The following FAT3 variants were observed in gnomAD, a reference collection of about 807,000 sequenced individuals.
FAT3 encodes FAT atypical cadherin 3, also known as protocadherin Fat 3.
FAT3 carries 95 observed loss-of-function variants against 310.2 expected under a neutral mutation model. That is an observed-to-expected ratio of 0.31 (90% CI 0.26 to 0.36). The LOEUF (loss-of-function observed/expected upper bound fraction) is 0.36, where lower values mean the gene tolerates loss of function less well. Among genes scored for constraint, FAT3 ranks in the 10% least tolerant of loss-of-function variants. FAT3 has a pLI of 1.00. For synonymous variants in FAT3, 2,314 were observed against 2,192.9 expected, an observed-to-expected ratio of 1.06 and a Z score of -1.54; for missense variants, 5,408 against 5,715.6, an observed-to-expected ratio of 0.95 and a Z score of 1.74.
chr11:92,857,282 A>C lies in FAT3; in HGVS notation c.11434A>C (p.Ser3812Arg), dbSNP rs4753069. The C allele has an allele frequency of 6.2e-7, 1 of 1,613,836 alleles. No homozygotes were observed. The highest frequency in any genetic ancestry group is 1.3e-5 in the African/African-American group (1 of 75,000). The change falls in exon 20 of 28, where the codon AGT (serine) becomes CGT (arginine). Residue 3812 changes from serine to arginine, a missense_variant. By Grantham distance (110) the Ser-to-Arg change is moderately radical. This residue lies in a region of FAT3 where 4,588 missense variants were observed against 4,809.8 expected (regional missense o/e 0.95). Transcript: ENST00000525166. ...KPCPGDMQCV[S>R]YEASRRPFLC... ...GTGTCCAGGGGACATGCAGTGTGTCAGTTATGAAGCCAGCAGGAGACCGTT... is the reference window on the plus strand; with the variant it reads ...GTGTCCAGGGGACATGCAGTGTGTCCGTTATGAAGCCAGCAGGAGACCGTT...
At chr11:92,634,499 G>A (rs1412088312) in intron 3 of FAT3, among the ~76,000 whole-genome samples, 2 of 152,170 alleles carry the variant, frequency 1.3e-5, no homozygotes, top group African/African-American at 4.8e-5. Context: ...GACAATTCTT[G>A]TTCTTGACTG....
At chr11:92,817,802 C>T (rs1292023999) in intron 13 of FAT3, among the ~76,000 whole-genome samples, 1 of 152,198 alleles carries the variant, frequency 6.6e-6, no homozygotes, top group African/African-American at 2.4e-5. Flanking sequence ...ATTTTTCTGA[C>T]CAAACCACCT....
intron 15 of FAT3, among the ~76,000 whole-genome samples, chr11:92,835,742 A>C (rs12789841): frequency 6.6e-6 from 1 of 152,036 alleles, no homozygotes; most frequent in African/African-American, 2.4e-5. Context: ...CTACACACAC[A>C]GACACACAGA....
chr11:92,240,115 A>T (rs1698708631), intron 1 of FAT3, among the ~76,000 whole-genome samples: 1 of 152,140 alleles, frequency 6.6e-6, no homozygotes, highest in Non-Finnish European at 1.5e-5. Context: ...AAATGAGCAG[A>T]TATCTTTATG....
chr11:92,890,940 A>G lies in FAT3; in HGVS notation c.13597A>G (p.Ser4533Gly), dbSNP rs1270664161. 1 of 1,614,000 alleles carries G rather than the reference A, an allele frequency of 6.2e-7. No individual in the cohort carries two copies. Among genetic ancestry groups the G allele is most frequent in the South Asian group, 1.1e-5 (1 of 91,074 alleles). Residue 4533 changes from serine to glycine, a missense_variant, in exon 28 of 28, where the codon AGC becomes GGC. Ser to Gly is a moderately conservative substitution (Grantham distance 56, BLOSUM62 0). Coordinates refer to ENST00000525166, the MANE Select transcript of FAT3 (RefSeq NM_001367949.2). ...QGTEPTGPAD[S>G]VSLSLHNSRG... The stretch of plus-strand genomic sequence containing the variant: ...CACAGAGCCCACAGGCCCAGCAGAC[A>G]GCGTGTCTCTGTCCTTGCACAATTC...
At chr11:92,771,774 A>C (rs967629796) in intron 6 of FAT3, among the ~76,000 whole-genome samples, 17 of 152,196 alleles carry the variant, frequency 1.1e-4, no homozygotes, top group African/African-American at 3.1e-4. Context: ...AAAAAAAAAA[A>C]AACATAAAAT....
chr11:92,524,810 G>A lies in FAT3; in HGVS notation c.3469G>A (p.Val1157Ile). The change falls in exon 3 of 28, where the codon GTC becomes ATC. Residue 1157 changes from valine to isoleucine, a missense_variant. By Grantham distance (29) the Val-to-Ile change is conservative. Around this residue, in one of 5 missense-constraint regions of FAT3, gnomAD observed 4,588 missense variants for 4,809.8 expected, o/e 0.95. Coordinates refer to ENST00000525166, the MANE Select transcript of FAT3 (RefSeq NM_001367949.2). Reference sequence around the variant, plus strand: ...CTCAGAACCTATATATTATCCTGTTGTCATGGAAAACTCTCCAAAGGACGT... The same window carrying A: ...CTCAGAACCTATATATTATCCTGTTATCATGGAAAACTCTCCAAAGGACGT... ...LTSEPIYYPV[V>I]MENSPKDVSV... The A allele has an allele frequency of 6.2e-7, 1 of 1,613,720 alleles. No individual in the cohort carries two copies. Among genetic ancestry groups the A allele is most frequent in the South Asian group, 1.1e-5 (1 of 91,066 alleles).
At chr11:92,548,899 G>C (rs1954706989) in intron 3 of FAT3, among the ~76,000 whole-genome samples, 1 of 152,180 alleles carries the variant, frequency 6.6e-6, no homozygotes, top group Non-Finnish European at 1.5e-5. Context: ...AGAAGTGAGA[G>C]AAGTTGGCAT....
chr11:92,861,132 T>G (rs1949110900), intron 21 of FAT3, among the ~76,000 whole-genome samples: 2 of 152,208 alleles, frequency 1.3e-5, no homozygotes, highest in Admixed American at 1.3e-4. Context: ...ATTTTCTAAA[T>G]AGCCCTGAGA....
intron 22 of FAT3, among the ~76,000 whole-genome samples, chr11:92,878,965 T>C (rs1216663068): frequency 1.3e-5 from 2 of 152,084 alleles, no homozygotes; most frequent in African/African-American, 4.8e-5. Flanking sequence ...GTATCCAGTA[T>C]TGGCTGAAAA....
At chr11:92,737,405 A>G (rs1041825120) in intron 4 of FAT3, among the ~76,000 whole-genome samples, 1 of 152,094 alleles carries the variant, frequency 6.6e-6, no homozygotes, top group Non-Finnish European at 1.5e-5. Flanking sequence ...TGTCAGATGA[A>G]GTAATTGGAT....
chr11:92,247,805 A>T (rs1864982582), intron 1 of FAT3, among the ~76,000 whole-genome samples: 1 of 149,828 alleles, frequency 6.7e-6, no homozygotes, highest in Admixed American at 6.7e-5. Flanking sequence ...ATCCCTTTCC[A>T]TTAAAAAATG....
chr11:92,454,748 C>A (rs1951452900), intron 2 of FAT3, among the ~76,000 whole-genome samples: 1 of 152,038 alleles, frequency 6.6e-6, no homozygotes, highest in Non-Finnish European at 1.5e-5. Context: ...CTTTGAAGGG[C>A]CAGTGAAATT....
intron 3 of FAT3, among the ~76,000 whole-genome samples, chr11:92,642,130 G>A (rs902133864): frequency 3.3e-5 from 5 of 152,188 alleles, no homozygotes; most frequent in African/African-American, 1.2e-4. Context: ...TTTGTGTTCT[G>A]CCTTTCAGAA....
At chr11:92,287,129 A>G (rs985058503) in intron 1 of FAT3, among the ~76,000 whole-genome samples, 8 of 152,238 alleles carry the variant, frequency 5.3e-5, no homozygotes, top group African/African-American at 1.9e-4. Context: ...TTGCAGGTGT[A>G]TCTTAGAGAA....
At chr11:92,317,131 A>T (rs1417063736) in intron 1 of FAT3, among the ~76,000 whole-genome samples, 1 of 152,192 alleles carries the variant, frequency 6.6e-6, no homozygotes, top group Non-Finnish European at 1.5e-5. Context: ...TTAAAAATAA[A>T]GGAAAGACTG....
intron 4 of FAT3, among the ~76,000 whole-genome samples, chr11:92,725,723 A>G (rs1332038636): frequency 6.6e-6 from 1 of 152,176 alleles, no homozygotes; most frequent in Non-Finnish European, 1.5e-5. Context: ...TTAGAAGCAT[A>G]CTAACATCAG....
At chr11:92,468,149 G>T (rs1164191738) in intron 2 of FAT3, among the ~76,000 whole-genome samples, 1 of 152,174 alleles carries the variant, frequency 6.6e-6, no homozygotes, top group Admixed American at 6.5e-5. Context: ...TTTCTGATTA[G>T]ATCAGGTTTT....
Position 92,831,403 on chromosome 11 carries a change from T to C in FAT3, c.9482-219T>C, listed in dbSNP as rs1024614013. Among the ~76,000 whole-genome samples, 4 of 152,224 alleles carry C rather than the reference T, an allele frequency of 2.6e-5. 1 individual carries two copies. Among genetic ancestry groups the C allele is most frequent in the African/African-American group, 9.6e-5 (4 of 41,460 alleles). ...TAAGAATATCCAACTATTTCTGATA[T>C]TTGTTGCCAGTATTTTCCCAGTTTC... is the stretch of plus-strand genomic sequence containing the variant. On this transcript the variant is annotated intron_variant, in intron 13 of 27. Coordinates refer to ENST00000525166, the MANE Select transcript of FAT3 (RefSeq NM_001367949.2).
Sources: gnomAD v4.1 joint callset for allele counts (sites outside exome capture counted in the v4.1 genomes callset) on GRCh38, gnomAD v4.1.1 for gene constraint, gnomAD v4.1.1 regional missense constraint, MANE v1.5 for transcripts, NCBI Gene and HGNC (gene_info 2026-07-23, HGNC 2026-07-21) for gene names.